Variants in CRADD observed in about 807,000 individuals in gnomAD.
CRADD encodes the protein death domain-containing protein CRADD.
A neutral mutation model predicts 15.5 loss-of-function variants in CRADD; 9 were observed. That is an observed-to-expected ratio of 0.58 (90% CI 0.35 to 1.01). The LOEUF (loss-of-function observed/expected upper bound fraction) is 1.01. CRADD is among the 50% of genes least tolerant of loss of function. CRADD has a pLI of 0.02. For synonymous variants in CRADD, 118 were observed against 107.6 expected (o/e 1.10, Z -0.60); for missense variants, 227 against 250.3 (o/e 0.91, Z 0.63).
rs372798648 is a variant in CRADD, at chr12:93,721,186, T to A, written c.298+42114T>A. On this transcript the variant is annotated intron_variant, in intron 2 of 2. Transcript: ENST00000332896. ...CTCAAACAGTCTTCCCATCTTGGCCTCCCAAAGTGCTGGGATTAACAGATG... is the reference window on the plus strand; with the variant it reads ...CTCAAACAGTCTTCCCATCTTGGCCACCCAAAGTGCTGGGATTAACAGATG... Among the ~76,000 whole-genome samples, 22 of 152,332 alleles carry A rather than the reference T, an allele frequency of 1.4e-4. 3 individuals are homozygous for A. The highest frequency in any genetic ancestry group is 1.4e-3 in the Admixed American group (21 of 15,302).
At chr12:93,786,496 T>G (rs575336053) in intron 2 of CRADD, among the ~76,000 whole-genome samples, 1 of 152,186 alleles carries the variant, frequency 6.6e-6, no homozygotes, top group African/African-American at 2.4e-5. Flanking sequence ...GTAGATCCTG[T>G]ATAATTTTTA....
At chr12:93,826,261 G>A (rs576759714) in intron 2 of CRADD, among the ~76,000 whole-genome samples, 71 of 152,194 alleles carry the variant, frequency 4.7e-4, no homozygotes, top group Non-Finnish European at 7.5e-4. Flanking sequence ...AAAATAGACC[G>A]CTGTGAAACT....
At chr12:93,857,137 TAA>T (rs11300753) in intron 2 of CRADD, among the ~76,000 whole-genome samples, 111 of 144,718 alleles carry the variant, frequency 7.7e-4, no homozygotes, top group Non-Finnish European at 1.2e-3. Context: ...ACTTAAAAAG[TAA>T]AAAAAAAAAA....
intron 2 of CRADD, among the ~76,000 whole-genome samples, chr12:93,835,108 A>C (rs1957959570): frequency 6.6e-6 from 1 of 152,172 alleles, no homozygotes. Context: ...TATGCATTGC[A>C]CTGACTAGAT....
intron 2 of CRADD, among the ~76,000 whole-genome samples, chr12:93,734,579 G>A (rs1956530059): frequency 6.6e-6 from 1 of 152,170 alleles, no homozygotes; most frequent in Non-Finnish European, 1.5e-5. Context: ...ACTCAACTGA[G>A]CTGCTTTAAC....
At chr12:93,709,435 C>T (rs149463206) in intron 2 of CRADD, among the ~76,000 whole-genome samples, 11 of 152,224 alleles carry the variant, frequency 7.2e-5, no homozygotes, top group African/African-American at 2.6e-4. Context: ...CAAGTAGACC[C>T]GAGTATCTAT....
At chr12:93,777,161 A>C (rs1443696797) in intron 2 of CRADD, among the ~76,000 whole-genome samples, 1 of 152,218 alleles carries the variant, frequency 6.6e-6, no homozygotes, top group East Asian at 1.9e-4. Context: ...TGCCATAGCC[A>C]GCGAGCCAGG....
rs545248166 is a variant in CRADD at position 93,738,482 on chromosome 12, G to A, written c.298+59410G>A. On this transcript the variant is annotated intron_variant, in intron 2 of 2. Transcript: ENST00000332896. ...CTACCCAGAAGAGCTGGCAGAGTAG[G>A]CCCCTTCACTGGGACTGCAGCAACA... is the stretch of plus-strand genomic sequence containing the variant. 1.9e-5 allele frequency: 13 copies of A among 702,160 alleles called. No homozygotes were observed. In the East Asian group the frequency reaches 3.5e-4, roughly 19 times the overall value. 43.5% of individuals were successfully genotyped at this position (702,160 alleles called of 1,614,324 possible).
At chr12:93,870,491 T>C (rs1958409053) in intron 2 of CRADD, among the ~76,000 whole-genome samples, 1 of 152,138 alleles carries the variant, frequency 6.6e-6, no homozygotes. Context: ...TTTTTGTCCA[T>C]CCCAGCCCCG....
At chr12:93,690,209 C>T (rs1184719408) in intron 2 of CRADD, among the ~76,000 whole-genome samples, 1 of 152,224 alleles carries the variant, frequency 6.6e-6, no homozygotes, top group Non-Finnish European at 1.5e-5. Context: ...TGAGCCCTTC[C>T]TCTAGGACAC....
intron 2 of CRADD, among the ~76,000 whole-genome samples, chr12:93,769,409 G>T (rs1957059828): frequency 6.6e-6 from 1 of 152,130 alleles, no homozygotes; most frequent in African/African-American, 2.4e-5. Flanking sequence ...GATGGCCATT[G>T]GGGTTGTTTC....
intron 2 of CRADD, among the ~76,000 whole-genome samples, chr12:93,888,439 A>G (rs964123548): frequency 6.6e-6 from 1 of 151,734 alleles, no homozygotes; most frequent in African/African-American, 2.4e-5. Flanking sequence ...AAAAAAAAAA[A>G]AGATAGAGAT....
At chr12:93,880,125 C>T (rs1219056078) in intron 2 of CRADD, among the ~76,000 whole-genome samples, 2 of 152,172 alleles carry the variant, frequency 1.3e-5, no homozygotes, top group East Asian at 3.9e-4. Context: ...GTATTCCTGT[C>T]AGCCTGCTAC....
chr12:93,840,334 A>G (rs1958032291), intron 2 of CRADD, among the ~76,000 whole-genome samples: 1 of 151,950 alleles, frequency 6.6e-6, no homozygotes, highest in South Asian at 2.1e-4. Flanking sequence ...TGCTTATTGT[A>G]TTTTTATTAT....
Position 93,719,310 on chromosome 12 carries a change from T to C in CRADD, c.298+40238T>C, listed in dbSNP as rs534614831. Among the ~76,000 whole-genome samples, 8 of 152,338 alleles carry C rather than the reference T, an allele frequency of 5.3e-5. No individual in the cohort carries two copies. The South Asian group carries it at 1.7e-3, about 32-fold the overall frequency. The stretch of plus-strand genomic sequence containing the variant: ...AATTGGGATAAATCCCACTTGGTCA[T>C]GGTGTATAATTCTTTTTATACATTT... On this transcript the variant is annotated intron_variant, in intron 2 of 2. Transcript: ENST00000332896.
chr12:93,701,697 A>G (rs73359682), intron 2 of CRADD, among the ~76,000 whole-genome samples: 4,268 of 152,216 alleles, frequency 0.028, 130 homozygotes, highest in East Asian at 0.087. Flanking sequence ...AGTGAGTAAC[A>G]TTCTCTATGC....
intron 2 of CRADD, among the ~76,000 whole-genome samples, chr12:93,889,889 G>C (rs1345090268): frequency 6.6e-6 from 1 of 152,166 alleles, no homozygotes; most frequent in Non-Finnish European, 1.5e-5. Flanking sequence ...AGAGCAGTGA[G>C]ATTATTTTTC....
chr12:93,772,485 C>G (rs1235076621), intron 2 of CRADD, among the ~76,000 whole-genome samples: 2 of 152,230 alleles, frequency 1.3e-5, no homozygotes, highest in Non-Finnish European at 2.9e-5. Flanking sequence ...AAGAAACTCT[C>G]TCTTCTGACA....
At chr12:93,685,616 A>G (rs1955410061) in intron 2 of CRADD, among the ~76,000 whole-genome samples, 1 of 152,192 alleles carries the variant, frequency 6.6e-6, no homozygotes, top group Non-Finnish European at 1.5e-5. Flanking sequence ...TTGAATAGGA[A>G]ATAAGATTGA....
Sources: gnomAD v4.1 joint callset for allele counts (sites outside exome capture counted in the v4.1 genomes callset) on GRCh38, gnomAD v4.1.1 for gene constraint, MANE v1.5 for transcripts, NCBI Gene and HGNC (gene_info 2026-07-23, HGNC 2026-07-21) for gene names.